Variants in RP1 observed in about 807,000 individuals in gnomAD.
The protein encoded by RP1 is RP1 axonemal microtubule associated.
A neutral mutation model predicts 14.8 loss-of-function variants in RP1; 16 were observed. That is an observed-to-expected ratio of 1.08 (90% CI 0.73 to 1.65). The LOEUF (loss-of-function observed/expected upper bound fraction) is 1.65. Ranked by LOEUF, RP1 falls within the 40% of genes most tolerant of loss-of-function variation. RP1 has a pLI of 0.00. For missense variants in RP1, 2,631 were observed against 2,535.0 expected, an observed-to-expected ratio of 1.04 and a Z score of -0.81; for synonymous variants, 876 against 883.6, an observed-to-expected ratio of 0.99 and a Z score of 0.15.
At chr8:54,603,881 C>T (rs962187422) in intron 1 of RP1, among the ~76,000 whole-genome samples, 42 of 152,070 alleles carry the variant, frequency 2.8e-4, no homozygotes, top group African/African-American at 7.7e-4. Context: ...TTTTTGTACA[C>T]TGATTTTGTA....
intron 24 of RP1, among the ~76,000 whole-genome samples, chr8:54,791,666 A>G (rs1451020256): frequency 6.6e-6 from 1 of 152,106 alleles, no homozygotes; most frequent in Non-Finnish European, 1.5e-5. Context: ...AAATGATAAG[A>G]TATTTTATGC....
intron 1 of RP1, among the ~76,000 whole-genome samples, chr8:54,594,445 C>G (rs1805096744): frequency 6.6e-6 from 1 of 152,182 alleles, no homozygotes; most frequent in South Asian, 2.1e-4. Context: ...TTATGAGTGC[C>G]CTACCTTTTG....
chr8:54,793,113 A>G (rs764107500), intron 24 of RP1, among the ~76,000 whole-genome samples: 1 of 151,942 alleles, frequency 6.6e-6, no homozygotes, highest in Non-Finnish European at 1.5e-5. Context: ...ATAGAAACAT[A>G]CAACCTAAAA....
At chr8:54,670,671 TTATATA>T (rs375877155) in intron 7 of RP1, among the ~76,000 whole-genome samples, 4,471 of 62,512 alleles carry the variant, frequency 0.072, 391 homozygotes, top group Admixed American at 0.09. Context: ...ATATATGTTT[TTATATA>T]TATATATATA....
intron 19 of RP1, among the ~76,000 whole-genome samples, chr8:54,750,335 T>C (rs889589055): frequency 9.9e-5 from 15 of 152,178 alleles, no homozygotes; most frequent in African/African-American, 3.4e-4. Flanking sequence ...ATTGAGAACA[T>C]TGAGGTTTTG....
intron 24 of RP1, among the ~76,000 whole-genome samples, chr8:54,791,944 T>C (rs1431340679): frequency 6.6e-6 from 1 of 152,012 alleles, no homozygotes; most frequent in Non-Finnish European, 1.5e-5. Context: ...CAAGATCCAA[T>C]AATAAGCTGC....
chr8:54,798,588 C>T (rs1810628092), intron 24 of RP1, among the ~76,000 whole-genome samples: 1 of 152,118 alleles, frequency 6.6e-6, no homozygotes, highest in Non-Finnish European at 1.5e-5. Flanking sequence ...GTTCAAGTAA[C>T]TTTCAGGCAT....
chr8:54,644,886 G>C (rs1403439216), intron 3 of RP1, among the ~76,000 whole-genome samples: 1 of 152,042 alleles, frequency 6.6e-6, no homozygotes, highest in Non-Finnish European at 1.5e-5. Flanking sequence ...AGCAGTCCTT[G>C]GTGTTCCATG....
chr8:54,783,972 T>A (rs1239783142), intron 24 of RP1, among the ~76,000 whole-genome samples: 2 of 152,066 alleles, frequency 1.3e-5, no homozygotes, highest in Non-Finnish European at 2.9e-5. Flanking sequence ...AAAATTAGAG[T>A]GGAATAATTT....
At chr8:54,685,956 C>T (rs1053068482) in intron 12 of RP1, among the ~76,000 whole-genome samples, 1 of 152,204 alleles carries the variant, frequency 6.6e-6, no homozygotes, top group African/African-American at 2.4e-5. Context: ...ACAGCCCCAG[C>T]TGAATCTCCA....
rs180891230 is a variant in RP1 at position 54,728,519 on chromosome 8, G to C, written c.2521+2043G>C. Among the ~76,000 whole-genome samples, 246 of 152,274 alleles carry C rather than the reference G, an allele frequency of 1.6e-3. 1 individual carries two copies. The highest frequency in any genetic ancestry group is 5.6e-3 in the African/African-American group (233 of 41,574). The stretch of plus-strand genomic sequence containing the variant: ...CTTTTGGGATAGGGCAAGATGTATA[G>C]TTTTGGGAATGAGAAATTATAGACA... On this transcript the variant is annotated intron_variant, in intron 17 of 22. Coordinates refer to the RP1 transcript ENST00000636932.
chr8:54,749,262 C>T (rs553820419), intron 19 of RP1, among the ~76,000 whole-genome samples: 43 of 151,462 alleles, frequency 2.8e-4, no homozygotes, highest in African/African-American at 6.5e-4. Flanking sequence ...ACATGGGAGG[C>T]GGAGTTTGCA....
At chr8:54,819,107 T>A (rs1382293347) in intron 24 of RP1, among the ~76,000 whole-genome samples, 2 of 152,060 alleles carry the variant, frequency 1.3e-5, no homozygotes, top group Admixed American at 1.3e-4. Flanking sequence ...CTCTTAAATT[T>A]GTGCTTTTGA....
At chr8:54,697,346 G>C (rs1393982169) in intron 12 of RP1, among the ~76,000 whole-genome samples, 1 of 152,102 alleles carries the variant, frequency 6.6e-6, no homozygotes, top group African/African-American at 2.4e-5. Flanking sequence ...CCTGAGGTCG[G>C]GAGTTCGAGA....
At chr8:54,731,709 A>G (rs955787074) in intron 17 of RP1, among the ~76,000 whole-genome samples, 1 of 152,160 alleles carries the variant, frequency 6.6e-6, no homozygotes, top group African/African-American at 2.4e-5. Flanking sequence ...GAGGCTGTCA[A>G]CTCATTTGCA....
chr8:54,780,957 T>G (rs948842499), intron 23 of RP1: 180 of 984,448 alleles, frequency 1.8e-4, no homozygotes, highest in Non-Finnish European at 2.2e-4. Context: ...CCTGTTAGAC[T>G]TTACTTCATT....
intron 18 of RP1, among the ~76,000 whole-genome samples, chr8:54,735,270 C>A (rs570658287): frequency 6.6e-6 from 1 of 152,166 alleles, no homozygotes. Context: ...TAATTTCTCT[C>A]TCCTTTACTT....
chr8:54,812,719 C>A (rs1811029568), intron 24 of RP1, among the ~76,000 whole-genome samples: 1 of 152,120 alleles, frequency 6.6e-6, no homozygotes, highest in Non-Finnish European at 1.5e-5. Context: ...TTCCAGATAT[C>A]TCTCTCTCTT....
At chr8:54,770,611 C>T (rs1402310812), downstream of RP1, among the ~76,000 whole-genome samples, 1 of 147,008 alleles carries the variant, frequency 6.8e-6, no homozygotes, top group South Asian at 2.2e-4. Flanking sequence ...TATTTACGTT[C>T]TCTCAAATTG....
Sources: allele counts gnomAD v4.1 joint callset (sites outside exome capture counted in the v4.1 genomes callset), GRCh38; gene constraint gnomAD v4.1.1; transcripts MANE v1.5; gene names NCBI Gene and HGNC (gene_info 2026-07-23, HGNC 2026-07-21).